GMPS: variants seen among roughly 807,000 people sequenced by gnomAD.
The protein encoded by GMPS is GMP synthase [glutamine-hydrolyzing].
A neutral mutation model predicts 77.9 loss-of-function variants in GMPS; 15 were observed. The ratio of observed to expected loss-of-function variants is 0.19; its 90% CI spans 0.13 to 0.30. GMPS has a LOEUF of 0.30. GMPS is among the 10% of genes least tolerant of loss of function. The pLI, the probability that GMPS is intolerant of heterozygous loss-of-function variation, is 1.00. For missense variants in GMPS, 590 were observed against 838.8 expected (o/e 0.70, Z 3.66); for synonymous variants, 224 against 275.9 (o/e 0.81, Z 1.86).
At chr3:155,898,407 A>C (rs368910701) in intron 3 of GMPS, among the ~76,000 whole-genome samples, 1 of 152,202 alleles carries the variant, frequency 6.6e-6, no homozygotes, top group Non-Finnish European at 1.5e-5. Context: ...ATGCCCTGTT[A>C]CTTATATTTC....
intron 9 of GMPS, among the ~76,000 whole-genome samples, chr3:155,918,437 G>A (rs938302207): frequency 1.3e-5 from 2 of 152,208 alleles, no homozygotes; most frequent in Non-Finnish European, 2.9e-5. Context: ...GAGCGACAGA[G>A]CGAGACTCTG....
intron 3 of GMPS, among the ~76,000 whole-genome samples, chr3:155,903,093 AC>A (rs1403357133): frequency 3.9e-5 from 6 of 152,212 alleles, no homozygotes; most frequent in African/African-American, 1.4e-4. Flanking sequence ...AACCTGCATT[AC>A]ACATTGTTAA....
At chr3:155,888,483 G>A (rs562794924) in intron 1 of GMPS, among the ~76,000 whole-genome samples, 1 of 151,738 alleles carries the variant, frequency 6.6e-6, no homozygotes, top group Non-Finnish European at 1.5e-5. Flanking sequence ...AGGCTGGAGT[G>A]CAGTGGCATG....
chr3:155,902,144 C>G (rs1754750855), intron 3 of GMPS, among the ~76,000 whole-genome samples: 1 of 152,186 alleles, frequency 6.6e-6, no homozygotes, highest in South Asian at 2.1e-4. Context: ...TGGCCACATA[C>G]TTTGCTAGGG....
intron 1 of GMPS, among the ~76,000 whole-genome samples, chr3:155,881,894 G>A (rs962514904): frequency 1.3e-5 from 2 of 152,212 alleles, no homozygotes; most frequent in Non-Finnish European, 2.9e-5. Context: ...AGGAAATCCT[G>A]TCTCTACTAA....
intron 1 of GMPS, among the ~76,000 whole-genome samples, chr3:155,875,376 G>A (rs949715717): frequency 3.3e-5 from 5 of 152,074 alleles, no homozygotes; most frequent in Middle Eastern, 3.4e-3. Flanking sequence ...GACTAAATGC[G>A]CATGCCGCCG....
At chr3:155,891,105 G>GT (rs1384151958) in intron 1 of GMPS, among the ~76,000 whole-genome samples, 1 of 152,198 alleles carries the variant, frequency 6.6e-6, no homozygotes, top group African/African-American at 2.4e-5. Context: ...TGGCAATGAA[G>GT]TTTGTCCTTT....
intron 9 of GMPS, among the ~76,000 whole-genome samples, chr3:155,916,673 TG>T (rs1239001819): frequency 2.0e-5 from 3 of 152,164 alleles, no homozygotes; most frequent in Non-Finnish European, 2.9e-5. Flanking sequence ...GATCAGCTGA[TG>T]GGCTTTTGGG....
chr3:155,932,186 G>A (rs747543556), intron 13 of GMPS, among the ~76,000 whole-genome samples: 18 of 151,840 alleles, frequency 1.2e-4, no homozygotes, highest in Non-Finnish European at 2.2e-4. Context: ...CTAAATTAGT[G>A]GTTTATATTA....
intron 9 of GMPS, 119 bp from the exon 10 acceptor site, chr3:155,919,113 AG>A: frequency 1.8e-6 from 1 of 561,038 alleles, no homozygotes; most frequent in Middle Eastern, 3.1e-4. Context: ...ATGCATTTTT[AG>A]TAATAATCTG....
intron 3 of GMPS, 136 bp from the exon 4 acceptor site, chr3:155,903,727 A>G (rs1754790219): frequency 2.0e-6 from 1 of 501,436 alleles, no homozygotes; most frequent in Non-Finnish European, 3.6e-6. Context: ...GTCTACATTT[A>G]TTAAACTCCT....
At chr3:155,922,707 AT>A (rs1422132440) in intron 11 of GMPS, among the ~76,000 whole-genome samples, 1 of 152,166 alleles carries the variant, frequency 6.6e-6, no homozygotes, top group Non-Finnish European at 1.5e-5. Flanking sequence ...GTGTCTGAGT[AT>A]GAGACTGGGT....
intron 3 of GMPS, among the ~76,000 whole-genome samples, chr3:155,903,514 C>T (rs1754782118): frequency 6.6e-6 from 1 of 152,154 alleles, no homozygotes; most frequent in South Asian, 2.1e-4. Flanking sequence ...CTCAGAATAC[C>T]TTTTAAAATG....
At chr3:155,923,521 CAG>C (rs1262995500) in intron 11 of GMPS, among the ~76,000 whole-genome samples, 2 of 152,034 alleles carry the variant, frequency 1.3e-5, no homozygotes, top group Non-Finnish European at 2.9e-5. Context: ...CTGCCAAAGA[CAG>C]AGCAGCTGCG....
rs2108163515 is a variant in GMPS at position 155,942,426 on chromosome 3, C to T, written c.*4734C>T. 4.6e-6 allele frequency: 1 copy of T among 218,946 alleles called. No individual in the cohort carries two copies. Among genetic ancestry groups the T allele is most frequent in the East Asian group, 6.7e-5 (1 of 14,918 alleles). 13.6% of individuals were successfully genotyped at this position (218,946 alleles called of 1,614,324 possible). ...TTAAATCTCCCAGTCAGAATAAATT[C>T]TTATTGAGGGCCATACCTAGCCTGT... is the stretch of plus-strand genomic sequence containing the variant. On this transcript the variant is annotated 3_prime_UTR_variant, in exon 16 of 16. Transcript: ENST00000496455.
intron 14 of GMPS, among the ~76,000 whole-genome samples, chr3:155,935,376 G>T (rs1361043419): frequency 6.6e-6 from 1 of 152,142 alleles, no homozygotes; most frequent in East Asian, 1.9e-4. Flanking sequence ...TAGAGATAGG[G>T]TTTTGCCATT....
chr3:155,919,079 A>G (rs1015715144), intron 9 of GMPS, among the ~76,000 whole-genome samples, 154 bp from the exon 10 acceptor site: 1 of 152,228 alleles, frequency 6.6e-6, no homozygotes, highest in African/African-American at 2.4e-5. Flanking sequence ...CCTTATAGGC[A>G]CTTAGGAACA....
chr3:155,898,024 A>G lies in GMPS; in HGVS notation c.307A>G (p.Ile103Val), dbSNP rs1438847728. Reference protein sequence around the residue: ...IFTIGKPVLGICYGMQMMNKV... With the variant: ...IFTIGKPVLGVCYGMQMMNKV... Reference sequence around the variant, plus strand: ...CACTATTGGCAAGCCTGTTCTTGGAATTTGCTATGGTATGCAGGTATGTCA... The same window carrying G: ...CACTATTGGCAAGCCTGTTCTTGGAGTTTGCTATGGTATGCAGGTATGTCA... Residue 103 changes from isoleucine to valine, a missense_variant, in exon 3 of 16, where the codon ATT becomes GTT. Physicochemically the swap from Ile to Val is conservative, Grantham distance 29 (BLOSUM62 3). Transcript: ENST00000496455. 6.3e-7 allele frequency: 1 copy of G among 1,595,424 alleles called. No homozygotes were observed. Among genetic ancestry groups the G allele is most frequent in the East Asian group, 2.2e-5 (1 of 44,760 alleles).
chr3:155,878,052 G>A (rs1021386468), intron 1 of GMPS, among the ~76,000 whole-genome samples: 1 of 152,088 alleles, frequency 6.6e-6, no homozygotes, highest in African/African-American at 2.4e-5. Context: ...AGAATTACAG[G>A]CATGAGCCAC....
Sources: allele counts gnomAD v4.1 joint callset (sites outside exome capture counted in the v4.1 genomes callset), GRCh38; gene constraint gnomAD v4.1.1; transcripts MANE v1.5; gene names NCBI Gene and HGNC (gene_info 2026-07-23, HGNC 2026-07-21).